POR: variants seen among roughly 807,000 people sequenced by gnomAD.
POR encodes the protein NADPH--cytochrome P450 reductase.
POR carries 56 observed loss-of-function variants against 84.0 expected under a neutral mutation model. The ratio of observed to expected loss-of-function variants is 0.67; its 90% confidence interval spans 0.54 to 0.83. POR has a LOEUF of 0.83. Among genes scored for constraint, POR ranks in the 40% least tolerant of loss-of-function variants. The pLI is 0.00. For missense variants in POR, 938 were observed against 944.3 expected, an observed-to-expected ratio of 0.99 and a Z score of 0.09; for synonymous variants, 414 against 400.5, an observed-to-expected ratio of 1.03 and a Z score of -0.40.
chr7:75,922,828 C>T, intron 1 of POR: 2 of 529,268 alleles, frequency 3.8e-6, no homozygotes, highest in South Asian at 4.0e-5. Flanking sequence ...TTATCAAGGC[C>T]TCAAAGCCAC....
intron 2 of POR, among the ~76,000 whole-genome samples, chr7:75,962,982 C>T (rs1188922381): frequency 6.6e-6 from 1 of 152,174 alleles, no homozygotes; most frequent in East Asian, 1.9e-4. Context: ...TGATTACGTC[C>T]CCCTGGAGAT....
At chr7:75,964,508 A>G (rs1379811329) in intron 2 of POR, among the ~76,000 whole-genome samples, 4 of 151,812 alleles carry the variant, frequency 2.6e-5, no homozygotes, top group Admixed American at 1.3e-4. Flanking sequence ...GGGTTTCACC[A>G]TATTGGCCAG....
chr7:75,955,290 T>A (rs539625686), intron 2 of POR, among the ~76,000 whole-genome samples: 60 of 152,202 alleles, frequency 3.9e-4, no homozygotes, highest in African/African-American at 1.3e-3. Flanking sequence ...AAAAGATGGA[T>A]TAGTTAAAAG....
intron 1 of POR, among the ~76,000 whole-genome samples, chr7:75,924,490 T>C (rs1807023532): frequency 6.6e-6 from 1 of 152,194 alleles, no homozygotes. Context: ...AAGACCATCC[T>C]GGGCCACATG....
chr7:75,972,272 G>C, intron 2 of POR, 141 bp from the exon 3 acceptor site: 1 of 749,826 alleles, frequency 1.3e-6, no homozygotes, highest in Non-Finnish European at 2.2e-6. Context: ...CTGGGGAGTG[G>C]CACGGGACAA....
rs782804219 is a variant in POR, at chr7:75,979,517, T to C, written c.304T>C (p.Ser102Pro). Residue 102 changes from serine to proline, a missense_variant, in exon 4 of 16, where the codon TCC (serine) becomes CCC (proline). Physicochemically the swap from Ser to Pro is moderately conservative, Grantham distance 74. Coordinates refer to ENST00000461988, the MANE Select transcript of POR (RefSeq NM_000941.3). ...TGCAGAGGAGTTTGCCAACCGCCTG[T>C]CCAAGGACGCCCACCGCTACGGGAT... 56 of 1,613,418 alleles carry C rather than the reference T, an allele frequency of 3.5e-5. No individual in the cohort carries two copies. Among genetic ancestry groups the C allele is most frequent in the African/African-American group, 4.0e-5 (3 of 74,904 alleles).
chr7:75,970,935 C>A (rs928828912), intron 2 of POR: 1 of 5,224 alleles, frequency 1.9e-4, no homozygotes, highest in African/African-American at 3.9e-4. Context: ...CCTTTAATGG[C>A]GTTTTTTATT....
chr7:75,977,105 G>A (rs781985977), intron 3 of POR, among the ~76,000 whole-genome samples: 1 of 152,028 alleles, frequency 6.6e-6, no homozygotes, highest in South Asian at 2.1e-4. Flanking sequence ...CTCTTACCTC[G>A]GCCTCCCAAA....
intron 10 of POR, among the ~76,000 whole-genome samples, chr7:75,984,492 C>T (rs1332483762): frequency 3.3e-5 from 5 of 152,326 alleles, no homozygotes; most frequent in South Asian, 2.1e-4. Context: ...TGTGTCAGAC[C>T]GTGTAGTGTG....
In POR at chr7:75,980,716, A is replaced by T. The variant is rs782585105; in HGVS notation, c.516+228A>T. The T allele has an allele frequency of 4.0e-6, 6 of 1,515,406 alleles. No homozygotes were observed. The South Asian group carries it at 7.3e-5, about 18-fold the overall frequency. 93.9% of individuals were successfully genotyped at this position (1,515,406 alleles called of 1,614,324 possible). On this transcript the variant is annotated intron_variant, in intron 5 of 15. Transcript: ENST00000461988. ...CTCCAGGGGGCATTGGGTGCTGGAGACTAAAGGCAAGAAAGGTCTGGCTGG... is the reference window on the plus strand; with the variant it reads ...CTCCAGGGGGCATTGGGTGCTGGAGTCTAAAGGCAAGAAAGGTCTGGCTGG...
chr7:75,985,874 G>A (rs782097065), intron 13 of POR, 25 bp downstream of exon 13: 144 of 1,551,562 alleles, frequency 9.3e-5, no homozygotes, highest in Non-Finnish European at 1.2e-4. Context: ...ATGGGGGAGA[G>A]GGGGTGACGA....
intron 8 of POR, 81 bp downstream of exon 8, chr7:75,982,403 A>G (rs1010382892): frequency 6.8e-6 from 8 of 1,172,732 alleles, no homozygotes; most frequent in Non-Finnish European, 9.9e-6. Context: ...GTGTATCCCC[A>G]TATCCCCACA....
At chr7:75,929,415 C>T (rs1476070125) in intron 1 of POR, among the ~76,000 whole-genome samples, 3 of 152,148 alleles carry the variant, frequency 2.0e-5, no homozygotes, top group Non-Finnish European at 4.4e-5. Context: ...AGAGCATGCA[C>T]CACCATGCCC....
intron 1 of POR, chr7:75,947,360 C>T (rs1554552258): frequency 6.5e-6 from 1 of 152,710 alleles, no homozygotes; most frequent in East Asian, 1.9e-4. Context: ...ACTGCAACCT[C>T]CGCCTCCCGG....
At chr7:75,938,198 C>G (rs1807790973) in intron 1 of POR, among the ~76,000 whole-genome samples, 1 of 152,180 alleles carries the variant, frequency 6.6e-6, no homozygotes, top group Admixed American at 6.5e-5. Flanking sequence ...AAATTAAGTC[C>G]TGTTGTGTGG....
chr7:75,982,333 G>A lies in POR; in HGVS notation c.830+11G>A. ...CGAGAACCAGAAGCCGTGAGTGGAG[G>A]GAGCGTGGCTTGGGGCAGACGGCTC... is the stretch of plus-strand genomic sequence containing the variant. On this transcript the variant is annotated intron_variant, in intron 8 of 15. Transcript: ENST00000461988. 1.2e-6 allele frequency: 2 copies of A among 1,605,222 alleles called. No homozygotes were observed. The highest frequency in any genetic ancestry group is 1.1e-5 in the South Asian group (1 of 89,720).
intron 1 of POR, among the ~76,000 whole-genome samples, chr7:75,930,394 A>G (rs1199881089): frequency 6.6e-6 from 1 of 152,068 alleles, no homozygotes; most frequent in East Asian, 1.9e-4. Flanking sequence ...AGGTGGGAGG[A>G]TCACTTGATC....
chr7:75,972,280 C>A, intron 2 of POR, 133 bp from the exon 3 acceptor site: 3 of 815,392 alleles, frequency 3.7e-6, no homozygotes, highest in South Asian at 1.6e-5. Context: ...TGGCACGGGA[C>A]AAAGCTGGAA....
chr7:75,977,154 CG>C (rs1362634644), intron 3 of POR, among the ~76,000 whole-genome samples: 1 of 152,032 alleles, frequency 6.6e-6, no homozygotes, highest in Non-Finnish European at 1.5e-5. Context: ...CACCCGGCCG[CG>C]TAAGTTTTAT....
Sources: allele counts gnomAD v4.1 joint callset (sites outside exome capture counted in the v4.1 genomes callset), GRCh38; gene constraint gnomAD v4.1.1; transcripts MANE v1.5; gene names NCBI Gene and HGNC (gene_info 2026-07-23, HGNC 2026-07-21).